SRPK2: variants seen among roughly 807,000 people sequenced by gnomAD.
The protein encoded by SRPK2 is SFRS protein kinase 2.
SRPK2 carries 21 observed loss-of-function variants against 90.8 expected under a neutral mutation model. That is an observed-to-expected ratio of 0.23 (90% CI 0.16 to 0.33). The LOEUF is 0.33. SRPK2 is among the 10% of genes least tolerant of loss of function. The probability of loss-of-function intolerance (pLI) is 1.00; values close to 1 mark genes in which losing one functional copy is unlikely to be tolerated. For missense variants in SRPK2, 620 were observed against 869.0 expected, an observed-to-expected ratio of 0.71 and a Z score of 3.60; for synonymous variants, 288 against 311.1, an observed-to-expected ratio of 0.93 and a Z score of 0.78.
intron 11 of SRPK2, among the ~76,000 whole-genome samples, chr7:105,141,485 T>C (rs1803768810): frequency 6.6e-6 from 1 of 152,194 alleles, no homozygotes; most frequent in South Asian, 2.1e-4. Context: ...TGTCATCACA[T>C]TTAAATCCAT....
Position 105,142,035 on chromosome 7 carries a change from C to A in SRPK2, c.1516G>T (p.Ala506Ser), listed in dbSNP as rs1482951548. 1 of 1,613,320 alleles carries A rather than the reference C, an allele frequency of 6.2e-7. No individual in the cohort carries two copies. Among genetic ancestry groups the A allele is most frequent in the Non-Finnish European group, 8.5e-7 (1 of 1,179,638 alleles). ...PSHDRSRTVS[A>S]SSTGDLPKAK... is the part of the protein sequence containing the mutation. Reference sequence around the variant, plus strand: ...TTTGGCAAATCCCCAGTACTGGAGGCTGAAACCGTTCTGCTTCTGTCATGG... The same window carrying A: ...TTTGGCAAATCCCCAGTACTGGAGGATGAAACCGTTCTGCTTCTGTCATGG... The change falls in exon 11 of 16, where the codon GCC becomes TCC. Residue 506 changes from alanine (A) to serine (S), a missense_variant. Ala to Ser is a moderately conservative substitution (Grantham distance 99). Transcript: ENST00000393651.
At chr7:105,149,517 G>A (rs530103844) in intron 7 of SRPK2, among the ~76,000 whole-genome samples, 7 of 152,040 alleles carry the variant, frequency 4.6e-5, no homozygotes, top group Admixed American at 1.3e-4. Flanking sequence ...GACCGGTGCC[G>A]GTGCAGGTCC....
In SRPK2 at chr7:105,184,728, T is replaced by C. The variant is rs138953515; in HGVS notation, c.230-15463A>G. Among the ~76,000 whole-genome samples, 316 of 152,332 alleles carry C rather than the reference T, an allele frequency of 2.1e-3. 2 individuals are homozygous for C. The highest frequency in any genetic ancestry group is 7.3e-3 in the African/African-American group (304 of 41,578). On this transcript the variant is annotated intron_variant, in intron 3 of 15. Coordinates refer to ENST00000393651, the MANE Select transcript of SRPK2 (RefSeq NM_182692.3). ...TAAAATATTTGACTGACATTTTCTT[T>C]CCTTGAGTATGTTAAATGTACTTCT...
intron 2 of SRPK2, among the ~76,000 whole-genome samples, chr7:105,208,235 G>A (rs560373245): frequency 4.6e-5 from 7 of 152,248 alleles, no homozygotes; most frequent in Admixed American, 1.3e-4. Context: ...CGGTCTGGCA[G>A]TTCCTCAAAA....
At chr7:105,279,581 A>T (rs1806993389) in intron 2 of SRPK2, among the ~76,000 whole-genome samples, 1 of 152,212 alleles carries the variant, frequency 6.6e-6, no homozygotes, top group Non-Finnish European at 1.5e-5. Context: ...GCATGGATAC[A>T]CTAAAACCTC....
intron 2 of SRPK2, among the ~76,000 whole-genome samples, chr7:105,294,509 GT>G (rs1339019498): frequency 9.3e-6 from 1 of 107,222 alleles, no homozygotes; most frequent in Non-Finnish European, 1.8e-5. Context: ...TGTTGTTGCT[GT>G]TTTTTTGTTT....
intron 2 of SRPK2, among the ~76,000 whole-genome samples, chr7:105,220,299 C>T (rs926946011): frequency 2.6e-5 from 4 of 151,896 alleles, no homozygotes; most frequent in South Asian, 2.1e-4. Context: ...GAGGCGGAGG[C>T]GGGCAGATCA....
intron 2 of SRPK2, among the ~76,000 whole-genome samples, chr7:105,347,352 G>T (rs1029655349): frequency 6.6e-6 from 1 of 151,778 alleles, no homozygotes; most frequent in African/African-American, 2.4e-5. Context: ...CACCATGCCT[G>T]GCTAATTTTT....
At chr7:105,223,312 T>G (rs1458485524) in intron 2 of SRPK2, among the ~76,000 whole-genome samples, 2 of 152,242 alleles carry the variant, frequency 1.3e-5, no homozygotes, top group Non-Finnish European at 2.9e-5. Context: ...AGGCTCCTAA[T>G]AGGCTGACCA....
chr7:105,270,397 A>G (rs1223147104), intron 2 of SRPK2, among the ~76,000 whole-genome samples: 2 of 136,814 alleles, frequency 1.5e-5, no homozygotes, highest in Non-Finnish European at 3.1e-5. Flanking sequence ...ATTTAGGAAC[A>G]GCCTCCTCTG....
intron 2 of SRPK2, among the ~76,000 whole-genome samples, chr7:105,377,919 G>A (rs962269316): frequency 2.6e-5 from 4 of 152,062 alleles, no homozygotes; most frequent in Non-Finnish European, 5.9e-5. Context: ...TCAGTCTCCT[G>A]AAGCCTCATG....
chr7:105,338,403 GCTGA>G (rs1178016370), intron 2 of SRPK2, among the ~76,000 whole-genome samples: 2 of 152,182 alleles, frequency 1.3e-5, no homozygotes, highest in Admixed American at 1.3e-4. Flanking sequence ...CACCACCACG[GCTGA>G]CTGATTTTTT....
At chr7:105,318,512 A>G (rs1413760879) in intron 2 of SRPK2, among the ~76,000 whole-genome samples, 1 of 152,204 alleles carries the variant, frequency 6.6e-6, no homozygotes, top group Non-Finnish European at 1.5e-5. Context: ...TGGGCTCCTA[A>G]ATAATTTTTT....
At chr7:105,270,128 G>C (rs1805630337) in intron 2 of SRPK2, among the ~76,000 whole-genome samples, 1 of 152,152 alleles carries the variant, frequency 6.6e-6, no homozygotes, top group Non-Finnish European at 1.5e-5. Flanking sequence ...TTAAAATAAG[G>C]ATTTTTCCCA....
chr7:105,262,845 A>G (rs1443325887), intron 2 of SRPK2, among the ~76,000 whole-genome samples: 1 of 152,204 alleles, frequency 6.6e-6, no homozygotes, highest in East Asian at 1.9e-4. Context: ...GGGAAAGGTA[A>G]GAGAAGGAAA....
chr7:105,333,354 T>C (rs981040085), intron 2 of SRPK2, among the ~76,000 whole-genome samples: 2 of 152,226 alleles, frequency 1.3e-5, no homozygotes, highest in Admixed American at 6.6e-5. Context: ...ATTTAGCAGT[T>C]TGTGTATACA....
At chr7:105,204,476 C>A (rs1795951865) in intron 2 of SRPK2, 3 of 334,668 alleles carry the variant, frequency 9.0e-6, no homozygotes, top group Non-Finnish European at 1.7e-5. Context: ...GATTCACTTA[C>A]TATTCCTAAC....
At chr7:105,209,190 TC>T (rs1796564059) in intron 2 of SRPK2, among the ~76,000 whole-genome samples, 1 of 152,164 alleles carries the variant, frequency 6.6e-6, no homozygotes, top group South Asian at 2.1e-4. Flanking sequence ...TATCTAAGGG[TC>T]CAAAGTTTAA....
At chr7:105,350,208 G>A (rs985439530) in intron 2 of SRPK2, among the ~76,000 whole-genome samples, 1 of 141,964 alleles carries the variant, frequency 7.0e-6, no homozygotes. Context: ...TCAGCTCACT[G>A]CAACCTCCGC....
Sources: gnomAD v4.1 joint callset for allele counts (sites outside exome capture counted in the v4.1 genomes callset) on GRCh38, gnomAD v4.1.1 for gene constraint, MANE v1.5 for transcripts, NCBI Gene and HGNC (gene_info 2026-07-23, HGNC 2026-07-21) for gene names.